Variants in KCNN2 observed in about 807,000 individuals in gnomAD.
The protein encoded by KCNN2 is potassium calcium-activated channel subfamily N member 2, also known as small conductance calcium-activated potassium channel protein 2.
In KCNN2, 24 loss-of-function variants were observed where a neutral mutation model predicts 55.5. The ratio of observed to expected loss-of-function variants is 0.43; its 90% CI spans 0.31 to 0.61. The LOEUF is 0.61. Ranked by LOEUF, KCNN2 falls within the 20% of genes least tolerant of loss-of-function variation. The pLI, the probability that KCNN2 is intolerant of heterozygous loss-of-function variation, is 0.08. For missense variants in KCNN2, 754 were observed against 853.6 expected (o/e 0.88, Z 1.45); for synonymous variants, 431 against 336.1 (o/e 1.28, Z -3.09).
chr5:114,467,695 G>C (rs1478922678), intron 4 of KCNN2, among the ~76,000 whole-genome samples: 1 of 151,766 alleles, frequency 6.6e-6, no homozygotes, highest in Non-Finnish European at 1.5e-5. Context: ...TAAGTGGATC[G>C]CAAAAAAATG....
At chr5:114,365,815 G>A (rs753544082) in intron 2 of KCNN2, among the ~76,000 whole-genome samples, 5 of 152,144 alleles carry the variant, frequency 3.3e-5, no homozygotes, top group Admixed American at 6.5e-5. Flanking sequence ...GGACAGAGTC[G>A]TTTTGCTTAA....
chr5:114,461,081 C>T (rs1298859035), intron 3 of KCNN2, among the ~76,000 whole-genome samples: 2 of 152,092 alleles, frequency 1.3e-5, no homozygotes, highest in Non-Finnish European at 2.9e-5. Flanking sequence ...GAAAGGAAAA[C>T]CACGTCCTCC....
rs557212077 is a variant in KCNN2 at position 114,476,538 on chromosome 5, C to T, written c.1890+3374C>T. Among the ~76,000 whole-genome samples the T allele has an allele frequency of 3.0e-4, 45 of 151,784 alleles. 1 individual carries two copies. The highest frequency in any genetic ancestry group is 1.1e-3 in the African/African-American group (44 of 41,386). ...GATTCAAGTGATTCTCCTGCCTCAG[C>T]CCCCCAAATAGCTGGGATTACAGGC... is the stretch of plus-strand genomic sequence containing the variant. On this transcript the variant is annotated intron_variant, in intron 5 of 7. Coordinates refer to ENST00000673685, the MANE Select transcript of KCNN2 (RefSeq NM_021614.4).
At chr5:114,260,146 C>T (rs1755073510) in intron 2 of KCNN2, among the ~76,000 whole-genome samples, 1 of 152,222 alleles carries the variant, frequency 6.6e-6, no homozygotes, top group Non-Finnish European at 1.5e-5. Context: ...TATGGAACAG[C>T]TCCTGACTGT....
chr5:114,477,015 CTGAATG>C (rs1761998223), intron 5 of KCNN2, among the ~76,000 whole-genome samples: 3 of 152,112 alleles, frequency 2.0e-5, no homozygotes, highest in Admixed American at 2.0e-4. Context: ...TTCTAAAATG[CTGAATG>C]ATTTGTGAAT....
chr5:114,444,732 C>A (rs931635685), intron 3 of KCNN2, among the ~76,000 whole-genome samples: 1 of 152,088 alleles, frequency 6.6e-6, no homozygotes, highest in Non-Finnish European at 1.5e-5. Flanking sequence ...TGTGTAATGG[C>A]ACTGATGAGA....
At chr5:114,119,713 G>T (rs1238105338) in intron 1 of KCNN2, among the ~76,000 whole-genome samples, 1 of 152,140 alleles carries the variant, frequency 6.6e-6, no homozygotes, top group African/African-American at 2.4e-5. Context: ...TTTTGGGCCA[G>T]AGTCCTCTCC....
chr5:114,093,765 G>A (rs1334453594), intron 1 of KCNN2, among the ~76,000 whole-genome samples: 1 of 152,154 alleles, frequency 6.6e-6, no homozygotes, highest in African/African-American at 2.4e-5. Context: ...CACAAGAACA[G>A]CATGTGGAAA....
intron 2 of KCNN2, among the ~76,000 whole-genome samples, chr5:114,310,721 T>C (rs1209363757): frequency 6.6e-6 from 1 of 152,128 alleles, no homozygotes; most frequent in African/African-American, 2.4e-5. Flanking sequence ...TGACACTTGG[T>C]ATGAAAATGG....
chr5:114,289,677 T>C (rs751129131), intron 2 of KCNN2, among the ~76,000 whole-genome samples: 10 of 152,160 alleles, frequency 6.6e-5, no homozygotes, highest in Non-Finnish European at 4.4e-5. Flanking sequence ...GCACCTGGCC[T>C]GAATCAACTT....
chr5:114,430,964 A>G (rs191207397), intron 3 of KCNN2, among the ~76,000 whole-genome samples: 1 of 152,120 alleles, frequency 6.6e-6, no homozygotes, highest in African/African-American at 2.4e-5. Context: ...GTGATATAAA[A>G]GTGTTTTGTA....
chr5:114,100,719 G>T (rs1751356767), intron 1 of KCNN2, among the ~76,000 whole-genome samples: 1 of 152,088 alleles, frequency 6.6e-6, no homozygotes, highest in East Asian at 1.9e-4. Context: ...GCTTCTTGGA[G>T]AAATTATGGA....
At chr5:114,224,755 G>A (rs1302593998) in intron 2 of KCNN2, among the ~76,000 whole-genome samples, 1 of 152,170 alleles carries the variant, frequency 6.6e-6, no homozygotes, top group African/African-American at 2.4e-5. Context: ...CGGTTGTGCT[G>A]AGCCATGGGC....
chr5:114,167,666 C>A (rs768480991), intron 1 of KCNN2, among the ~76,000 whole-genome samples: 1 of 152,120 alleles, frequency 6.6e-6, no homozygotes, highest in South Asian at 2.1e-4. Flanking sequence ...TGGACCTGCC[C>A]CATTTCAAAA....
intron 4 of KCNN2, among the ~76,000 whole-genome samples, chr5:114,469,942 C>A (rs2150121726): frequency 6.6e-6 from 1 of 152,198 alleles, no homozygotes; most frequent in East Asian, 1.9e-4. Context: ...AAAAAGGTTT[C>A]TAAGTGGCTC....
At chr5:114,168,432 T>A (rs1752963818) in intron 1 of KCNN2, among the ~76,000 whole-genome samples, 3 of 152,230 alleles carry the variant, frequency 2.0e-5, no homozygotes, top group Admixed American at 2.0e-4. Context: ...TTTCTTCCAA[T>A]GACTAAGCCA....
intron 1 of KCNN2, among the ~76,000 whole-genome samples, chr5:114,202,989 T>A (rs1383238422): frequency 6.6e-6 from 1 of 152,138 alleles, no homozygotes; most frequent in Non-Finnish European, 1.5e-5. Context: ...TCTAATAGGG[T>A]CCAAACTCTA....
chr5:114,134,918 T>C (rs927271437), intron 1 of KCNN2, among the ~76,000 whole-genome samples: 4 of 152,318 alleles, frequency 2.6e-5, no homozygotes, highest in African/African-American at 9.6e-5. Context: ...GCATGGAATT[T>C]AAAGATTCTG....
intron 1 of KCNN2, among the ~76,000 whole-genome samples, chr5:114,182,878 A>G (rs1242207817): frequency 2.6e-5 from 4 of 151,996 alleles, no homozygotes; most frequent in Admixed American, 1.3e-4. Context: ...TTTTATTGCA[A>G]TGGCTACAAT....
Sources: gnomAD v4.1 joint callset for allele counts (sites outside exome capture counted in the v4.1 genomes callset) on GRCh38, gnomAD v4.1.1 for gene constraint, MANE v1.5 for transcripts, NCBI Gene and HGNC (gene_info 2026-07-23, HGNC 2026-07-21) for gene names.